KDM5B: variants seen among roughly 807,000 people sequenced by gnomAD.
KDM5B encodes lysine demethylase 5B.
A neutral mutation model predicts 193.4 loss-of-function variants in KDM5B; 144 were observed. The ratio of observed to expected loss-of-function variants is 0.74; its 90% confidence interval spans 0.65 to 0.86. KDM5B has a LOEUF of 0.86. KDM5B is among the 40% of genes least tolerant of loss of function. The pLI is 0.00. For synonymous variants in KDM5B, 668 were observed against 682.6 expected, an observed-to-expected ratio of 0.98 and a Z score of 0.33; for missense variants, 1,833 against 1,886.9, an observed-to-expected ratio of 0.97 and a Z score of 0.53.
chr1:202,749,091 A>G lies in KDM5B; in HGVS notation c.1870T>C (p.Tyr624His). Residue 624 changes from tyrosine (Y) to histidine (H), a missense_variant, in exon 14 of 27, where the codon TAT (tyrosine) becomes CAT (histidine). Coordinates refer to ENST00000367265, the MANE Select transcript of KDM5B (RefSeq NM_006618.5). ...CVEHYRLLHRYCVFSHDEMIC... is the reference protein window; with the variant it reads ...CVEHYRLLHRHCVFSHDEMIC... Reference sequence around the variant, plus strand: ...ATCTCATCGTGGGAAAACACACAATATCGATGAAGCAAGCGATAATGCTCC... The same window carrying G: ...ATCTCATCGTGGGAAAACACACAATGTCGATGAAGCAAGCGATAATGCTCC... 2 of 1,614,120 alleles carry G rather than the reference A, an allele frequency of 1.2e-6. No homozygotes were observed. The highest frequency in any genetic ancestry group is 1.7e-6 in the Non-Finnish European group (2 of 1,180,000).
chr1:202,781,960 T>A (rs1284180754), intron 1 of KDM5B, among the ~76,000 whole-genome samples: 1 of 152,162 alleles, frequency 6.6e-6, no homozygotes, highest in East Asian at 1.9e-4. Context: ...AAAGCCTGTA[T>A]ATTAAAGTTT....
At chr1:202,731,414 T>C (rs1654879453) in intron 24 of KDM5B, among the ~76,000 whole-genome samples, 1 of 152,176 alleles carries the variant, frequency 6.6e-6, no homozygotes, top group African/African-American at 2.4e-5. Context: ...ACAGTCTGAG[T>C]AGATCAAGGA....
intron 4 of KDM5B, among the ~76,000 whole-genome samples, chr1:202,770,344 G>C (rs906604845): frequency 2.6e-5 from 4 of 152,016 alleles, no homozygotes; most frequent in Admixed American, 6.6e-5. Flanking sequence ...TGTTCCACTG[G>C]AACAGTGCAT....
In KDM5B at chr1:202,808,245, C is replaced by A; in HGVS notation, c.61G>T (p.Gly21Cys). The A allele has an allele frequency of 6.2e-7, 1 of 1,611,438 alleles. No homozygotes were observed. Among genetic ancestry groups the A allele is most frequent in the Non-Finnish European group, 8.5e-7 (1 of 1,179,310 alleles). ...GGAGGCAGGAACTCGCCCAGCGGGCCCGGGCCCCCGAGGGGCAGCGCCGGG... is the reference window on the plus strand; with the variant it reads ...GGAGGCAGGAACTCGCCCAGCGGGCACGGGCCCCCGAGGGGCAGCGCCGGG... Reference protein sequence around the residue: ...PRPALPLGGPGPLGEFLPPPE... With the variant: ...PRPALPLGGPCPLGEFLPPPE... Residue 21 changes from glycine (G) to cysteine (C), a missense_variant, in exon 1 of 27, where the codon GGC becomes TGC. Coordinates refer to ENST00000367265, the MANE Select transcript of KDM5B (RefSeq NM_006618.5).
At chr1:202,739,410 G>A (rs988473199) in intron 20 of KDM5B, among the ~76,000 whole-genome samples, 11 of 150,068 alleles carry the variant, frequency 7.3e-5, no homozygotes, top group South Asian at 2.1e-4. Context: ...AAGATCCAAC[G>A]TATTATTCTT....
Position 202,735,447 on chromosome 1 carries a change from G to C in KDM5B, c.3405C>G (p.Ser1135Arg). The change falls in exon 22 of 27, where the codon AGC becomes AGG. Residue 1135 changes from serine to arginine, a missense_variant. By Grantham distance (110) the Ser-to-Arg change is moderately radical (BLOSUM62 -1). Transcript: ENST00000367265. ...LSDLERALTE[S>R]KETASAMATL... The stretch of plus-strand genomic sequence containing the variant: ...TACATACAGCTGAAGCAGTCTCCTT[G>C]CTTTCAGTTAAAGCTCTCTCCAGGT... 1 of 1,613,738 alleles carries C rather than the reference G, an allele frequency of 6.2e-7. No homozygotes were observed. The highest frequency in any genetic ancestry group is 2.2e-5 in the East Asian group (1 of 44,848).
rs749476720 is a variant in KDM5B at position 202,752,968 on chromosome 1, C to T, written c.1638G>A (p.Pro546=). ...KLAPELFVSQ[P]DLLHQLVTIM... Reference sequence around the variant, plus strand: ...TGGTCACAAGCTGATGGAGGAGATCCGGCTGGGACACAAAGAGTTCTGGAG... The same window carrying T: ...TGGTCACAAGCTGATGGAGGAGATCTGGCTGGGACACAAAGAGTTCTGGAG... Residue 546 remains proline, a synonymous_variant, in exon 12 of 27, where the codon CCG becomes CCA. Transcript: ENST00000367265. 15 of 1,613,942 alleles carry T rather than the reference C, an allele frequency of 9.3e-6. No individual in the cohort carries two copies. In the African/African-American group the frequency reaches 1.1e-4, roughly 11 times the overall value.
chr1:202,808,241 G>T lies in KDM5B; in HGVS notation c.65C>A (p.Pro22Gln), dbSNP rs996688280. 1 of 1,611,516 alleles carries T rather than the reference G, an allele frequency of 6.2e-7. No homozygotes were observed. Among genetic ancestry groups the T allele is most frequent in the African/African-American group, 1.3e-5 (1 of 74,848 alleles). The change falls in exon 1 of 27, where the codon CCG becomes CAG. Residue 22 changes from proline (P) to glutamine (Q), a missense_variant. By Grantham distance (76) the Pro-to-Gln change is moderately conservative. Around this residue, in one of 3 missense-constraint regions of KDM5B, gnomAD observed 355 missense variants for 374.9 expected, o/e 0.95. Coordinates refer to ENST00000367265, the MANE Select transcript of KDM5B (RefSeq NM_006618.5). ...GGGTGGAGGCAGGAACTCGCCCAGC[G>T]GGCCCGGGCCCCCGAGGGGCAGCGC... ...RPALPLGGPG[P>Q]LGEFLPPPEC...
At chr1:202,795,226 A>G (rs1342133707) in intron 1 of KDM5B, among the ~76,000 whole-genome samples, 1 of 145,064 alleles carries the variant, frequency 6.9e-6, no homozygotes, top group Non-Finnish European at 1.5e-5. Context: ...AAAATAAATA[A>G]TAAAAAATAA....
chr1:202,729,070 C>T lies in KDM5B; in HGVS notation c.4601G>A (p.Arg1534His), dbSNP rs536339877. ...GCTTGGTGCGTCCTTCACAGTACAG[C>T]GCACACAGATGTAGTCTTCTTTCTC... ...MAEKEDYICVRCTVKDAPSRK is the reference protein window; with the variant it reads ...MAEKEDYICVHCTVKDAPSRK Residue 1534 changes from arginine (R) to histidine (H), a missense_variant, in exon 27 of 27, where the codon CGC becomes CAC. Transcript: ENST00000367265. 1.5e-5 allele frequency: 24 copies of T among 1,614,030 alleles called. No individual in the cohort carries two copies. Among genetic ancestry groups the T allele is most frequent in the African/African-American group, 2.7e-5 (2 of 74,982 alleles).
chr1:202,803,395 T>C (rs940049249), intron 1 of KDM5B, among the ~76,000 whole-genome samples: 30 of 152,218 alleles, frequency 2.0e-4, no homozygotes, highest in Admixed American at 1.5e-3. Flanking sequence ...GTTTTGTTTA[T>C]TAGTTCACTA....
intron 13 of KDM5B, 87 bp downstream of exon 13, chr1:202,750,572 G>C: frequency 7.0e-7 from 1 of 1,438,618 alleles, no homozygotes; most frequent in Non-Finnish European, 9.6e-7. Context: ...ACCGCACCCA[G>C]CCCACATGAC....
At chr1:202,766,201 C>T (rs1005861098) in intron 5 of KDM5B, among the ~76,000 whole-genome samples, 1 of 152,032 alleles carries the variant, frequency 6.6e-6, no homozygotes, top group Non-Finnish European at 1.5e-5. Flanking sequence ...GGTGAAAGAG[C>T]GAGACCACCT....
chr1:202,731,629 T>C (rs1654886375), intron 24 of KDM5B, among the ~76,000 whole-genome samples, 199 bp downstream of exon 24: 1 of 152,212 alleles, frequency 6.6e-6, no homozygotes, highest in African/African-American at 2.4e-5. Context: ...ACAATGGATA[T>C]AAAGTCTTCC....
At chr1:202,738,510 A>T (rs905316336) in intron 20 of KDM5B, among the ~76,000 whole-genome samples, 5 of 152,198 alleles carry the variant, frequency 3.3e-5, no homozygotes, top group Non-Finnish European at 7.4e-5. Flanking sequence ...CTCCTCAAAC[A>T]ATATATCTTC....
intron 13 of KDM5B, among the ~76,000 whole-genome samples, chr1:202,749,555 G>A (rs894129792): frequency 3.4e-4 from 51 of 151,106 alleles, no homozygotes; most frequent in Admixed American, 1.3e-4. Context: ...AGACTGTCTC[G>A]AAAAAATTTA....
At chr1:202,740,338 G>A (rs1374632241) in intron 20 of KDM5B, among the ~76,000 whole-genome samples, 1 of 134,544 alleles carries the variant, frequency 7.4e-6, no homozygotes, top group African/African-American at 2.6e-5. Context: ...TCCCGGACGG[G>A]GTGGCCGGCC....
At chr1:202,743,938 G>C (rs1203510360) in intron 16 of KDM5B, among the ~76,000 whole-genome samples, 3 of 152,182 alleles carry the variant, frequency 2.0e-5, no homozygotes, top group Admixed American at 6.5e-5. Flanking sequence ...CACAGGCAAA[G>C]ATTTCATGAA....
Position 202,731,026 on chromosome 1 carries a change from G to T in KDM5B, c.4059C>A (p.Ala1353=). The part of the protein sequence containing the change: ...SPEVNELLME[A]QLLQVSLPEI... Reference sequence around the variant, plus strand: ...CAGGAAGGGATACCTGGAGCAGCTGGGCTTCCATCAATAGTTCATTCACTT... The same window carrying T: ...CAGGAAGGGATACCTGGAGCAGCTGTGCTTCCATCAATAGTTCATTCACTT... Residue 1353 remains alanine, a synonymous_variant, in exon 25 of 27, where the codon GCC becomes GCA. Coordinates refer to ENST00000367265, the MANE Select transcript of KDM5B (RefSeq NM_006618.5). 6.2e-7 allele frequency: 1 copy of T among 1,613,208 alleles called. No homozygotes were observed. Among genetic ancestry groups the T allele is most frequent in the Non-Finnish European group, 8.5e-7 (1 of 1,179,528 alleles).
Sources: allele counts gnomAD v4.1 joint callset (sites outside exome capture counted in the v4.1 genomes callset), GRCh38; gene constraint gnomAD v4.1.1; regional missense constraint gnomAD v4.1.1; transcripts MANE v1.5; gene names NCBI Gene and HGNC (gene_info 2026-07-23, HGNC 2026-07-21).